NSD2: variants seen among roughly 807,000 people sequenced by gnomAD.
NSD2 encodes nuclear receptor binding SET domain protein 2, also known as histone-lysine N-methyltransferase NSD2.
A neutral mutation model predicts 139.0 loss-of-function variants in NSD2; 12 were observed. The observed-to-expected ratio is 0.09, with a 90% confidence interval of 0.06 to 0.14. NSD2 has a LOEUF of 0.14. Among genes scored for constraint, NSD2 ranks in the 10% least tolerant of loss-of-function variants. The pLI, the probability that NSD2 is intolerant of heterozygous loss-of-function variation, is 1.00. For synonymous variants in NSD2, 669 were observed against 648.7 expected, an observed-to-expected ratio of 1.03 and a Z score of -0.48; for missense variants, 1,155 against 1,745.0, an observed-to-expected ratio of 0.66 and a Z score of 6.02.
intron 1 of NSD2, among the ~76,000 whole-genome samples, chr4:1,882,048 A>C (rs1489456139): frequency 6.6e-6 from 1 of 152,214 alleles, no homozygotes; most frequent in Non-Finnish European, 1.5e-5. Flanking sequence ...GTGTGACATG[A>C]ATCTATTTGC....
chr4:1,963,139 C>A (rs766871047), intron 18 of NSD2, among the ~76,000 whole-genome samples: 60 of 152,176 alleles, frequency 3.9e-4, no homozygotes, highest in Admixed American at 2.0e-3. Context: ...AGATAAGGGG[C>A]CTGAGCTTGC....
intron 2 of NSD2, among the ~76,000 whole-genome samples, chr4:1,902,176 G>C (rs1445364199): frequency 6.6e-6 from 1 of 152,122 alleles, no homozygotes; most frequent in African/African-American, 2.4e-5. Context: ...GATTACTCAG[G>C]AGCTGTTTAG....
intron 1 of NSD2, among the ~76,000 whole-genome samples, chr4:1,884,741 G>C (rs1457097168): frequency 1.3e-5 from 2 of 152,100 alleles, no homozygotes; most frequent in Non-Finnish European, 2.9e-5. Context: ...GACAAATTGG[G>C]ATTATATATC....
At chr4:1,977,745 T>TAGCACCATTGCACTCCAGCCTGGGCGA (rs1727247230) in intron 21 of NSD2, among the ~76,000 whole-genome samples, 1 of 146,194 alleles carries the variant, frequency 6.8e-6, no homozygotes, top group African/African-American at 2.6e-5. Flanking sequence ...AAAGCTGAGA[T>TAGCACCATTGCACTCCAGCCTGGGCGA]AGCACCATTG....
intron 18 of NSD2, among the ~76,000 whole-genome samples, chr4:1,964,445 C>T (rs1387819050): frequency 6.6e-6 from 1 of 152,190 alleles, no homozygotes; most frequent in South Asian, 2.1e-4. Context: ...GGTTTCAGCT[C>T]TTGGCACAGC....
chr4:1,889,385 G>A (rs868541301), intron 1 of NSD2, among the ~76,000 whole-genome samples: 16 of 152,108 alleles, frequency 1.1e-4, no homozygotes, highest in Middle Eastern at 3.4e-3. Context: ...GTGGAGCTGA[G>A]GTTCTTGCTA....
intron 3 of NSD2, among the ~76,000 whole-genome samples, chr4:1,911,714 C>T (rs926272893): frequency 2.0e-5 from 3 of 150,778 alleles, no homozygotes; most frequent in Admixed American, 2.0e-4. Context: ...GTGAGATATT[C>T]ACCTCTCAAC....
In NSD2 at chr4:1,976,171, T is replaced by C. The variant is rs1727059678; in HGVS notation, c.3622-304T>C. Among the ~76,000 whole-genome samples, 1 of 152,162 alleles carries C rather than the reference T, an allele frequency of 6.6e-6. No homozygotes were observed. The highest frequency in any genetic ancestry group is 1.5e-5 in the Non-Finnish European group (1 of 68,012). ...GCTGTTCTGCCTGTGGTGGCCTCCT[T>C]TGCCAGTGGGTCCCATCAGCAGATC... is the stretch of plus-strand genomic sequence containing the variant. On this transcript the variant is annotated intron_variant, in intron 20 of 21. Coordinates refer to ENST00000508803, the MANE Select transcript of NSD2 (RefSeq NM_001042424.3). The surrounding 1 kb of genome is among the most constrained non-coding windows in gnomAD (Gnocchi z 5.3).
intron 1 of NSD2, among the ~76,000 whole-genome samples, chr4:1,876,256 T>C (rs1714248427): frequency 6.6e-6 from 1 of 152,174 alleles, no homozygotes; most frequent in South Asian, 2.1e-4. Context: ...AGTTTTGTTT[T>C]AGTATCTGCT....
At chr4:1,950,096 A>T (rs1724053473) in intron 9 of NSD2, among the ~76,000 whole-genome samples, 1 of 152,236 alleles carries the variant, frequency 6.6e-6, no homozygotes, top group South Asian at 2.1e-4. Flanking sequence ...TTCAACACTT[A>T]TTTACCTAAC....
chr4:1,871,721 G>C (rs1425352782), intron 1 of NSD2, among the ~76,000 whole-genome samples, 179 bp downstream of exon 1: 1 of 148,880 alleles, frequency 6.7e-6, no homozygotes, highest in Non-Finnish European at 1.5e-5. Flanking sequence ...GGGGCTGGGG[G>C]ACCGGGAGGC....
chr4:1,901,216 C>G lies in NSD2; in HGVS notation c.562C>G (p.Leu188Val), dbSNP rs886059315. Residue 188 changes from leucine to valine, a missense_variant, in exon 2 of 22, where the codon CTT (leucine) becomes GTT (valine). Transcript: ENST00000508803. ...LLEQGLVEAA[L>V]VSKISSPSDK... ...GGAGCAGGGCCTTGTCGAAGCAGCT[C>G]TTGTGTCTAAGATCTCAAGTCCTTC... The G allele has an allele frequency of 6.3e-7, 1 of 1,594,186 alleles. No individual in the cohort carries two copies. The highest frequency in any genetic ancestry group is 1.4e-5 in the African/African-American group (1 of 73,814).
At chr4:1,938,596 G>GC in intron 8 of NSD2, 64 bp downstream of exon 8, 2 of 760,492 alleles carry the variant, frequency 2.6e-6, no homozygotes, top group Non-Finnish European at 4.5e-6. Flanking sequence ...GGGTGGGTGG[G>GC]CTGAGAGTGT....
chr4:1,918,331 T>C lies in NSD2; in HGVS notation c.1118T>C (p.Met373Thr), dbSNP rs1719680906. The C allele has an allele frequency of 6.2e-7, 1 of 1,613,878 alleles. No individual in the cohort carries two copies. The highest frequency in any genetic ancestry group is 8.5e-7 in the Non-Finnish European group (1 of 1,180,000). The part of the protein sequence containing the change: ...AGIAAESLGE[M>T]AESSGVSEEA... ...ATTGCTGCAGAGTCTTTGGGAGAAATGGCAGAATCCTCAGGAGTCAGTGAA... is the reference window on the plus strand; with the variant it reads ...ATTGCTGCAGAGTCTTTGGGAGAAACGGCAGAATCCTCAGGAGTCAGTGAA... The change falls in exon 5 of 22, where the codon ATG becomes ACG. Residue 373 changes from methionine (M) to threonine (T), a missense_variant. Coordinates refer to ENST00000508803, the MANE Select transcript of NSD2 (RefSeq NM_001042424.3).
At chr4:1,911,995 A>G (rs1488314680) in intron 3 of NSD2, 3 of 228,816 alleles carry the variant, frequency 1.3e-5, no homozygotes, top group Non-Finnish European at 1.8e-5. Flanking sequence ...ATGCTATAAC[A>G]TACCTGTATT....
chr4:1,881,405 G>A (rs2108677640), intron 1 of NSD2, among the ~76,000 whole-genome samples: 1 of 152,332 alleles, frequency 6.6e-6, no homozygotes, highest in Non-Finnish European at 1.5e-5. Context: ...TGGGACTACA[G>A]GCGCACGCTG....
intron 5 of NSD2, among the ~76,000 whole-genome samples, chr4:1,928,565 T>G (rs1721234251): frequency 6.6e-6 from 1 of 152,196 alleles, no homozygotes; most frequent in Admixed American, 6.5e-5. Context: ...GACACTTTCC[T>G]GGCTTCCCCG....
intron 1 of NSD2, among the ~76,000 whole-genome samples, chr4:1,879,896 G>T (rs1461222939): frequency 6.6e-6 from 1 of 151,528 alleles, no homozygotes; most frequent in South Asian, 2.1e-4. Context: ...TGAGTACTGG[G>T]CCCTCTTATG....
In NSD2 at chr4:1,955,047, T is replaced by A; in HGVS notation, c.2339-114T>A. On this transcript the variant is annotated intron_variant, in intron 12 of 21. Transcript: ENST00000508803. This position sits in a 1 kb window ranked among gnomAD's most constrained non-coding sequence, Gnocchi z 4.7. ...TTTTTTTAAATCAAATACCTCCATT[T>A]CATTTTAGCATTAACTTTTCAAATT... 8.6e-7 allele frequency: 1 copy of A among 1,166,058 alleles called. No homozygotes were observed. The allele number at this position is 1,166,058 out of a possible 1,614,324, so 72.2% of individuals were successfully genotyped here.
Sources: allele counts gnomAD v4.1 joint callset (sites outside exome capture counted in the v4.1 genomes callset), GRCh38; gene constraint gnomAD v4.1.1; non-coding constraint Gnocchi (gnomAD v3.1); transcripts MANE v1.5; gene names NCBI Gene and HGNC (gene_info 2026-07-23, HGNC 2026-07-21).